The following SYNE2 variants were observed in gnomAD, a reference collection of about 807,000 sequenced individuals.
SYNE2 encodes the protein spectrin repeat containing nuclear envelope protein 2.
Under a neutral mutation model 856.3 loss-of-function variants are expected in SYNE2, and 431 were observed. That is an observed-to-expected ratio of 0.50 (90% CI 0.47 to 0.55). SYNE2 has a LOEUF of 0.55. Ranked by LOEUF, SYNE2 falls within the 20% of genes least tolerant of loss-of-function variation. The pLI, the probability that SYNE2 is intolerant of heterozygous loss-of-function variation, is 0.00. For missense variants in SYNE2, 8,129 were observed against 8,023.2 expected (o/e 1.01, Z -0.50); for synonymous variants, 2,923 against 2,872.3 (o/e 1.02, Z -0.56).
chr14:63,983,889 A>G lies in SYNE2; in HGVS notation c.2151+3A>G, dbSNP rs751044398. The G allele has an allele frequency of 2.7e-6, 4 of 1,492,884 alleles. No individual in the cohort carries two copies. The highest frequency in any genetic ancestry group is 3.7e-6 in the Non-Finnish European group (4 of 1,079,812). 92.5% of individuals were successfully genotyped at this position (1,492,884 alleles called of 1,614,324 possible). On this transcript the variant is annotated splice_donor_region_variant and intron_variant, in intron 18 of 115. Transcript: ENST00000555002. ...AAAATTATAATCAAAATATAAAGGT[A>G]AAATAATCATACTTTGTATATTTCA...
rs534275548 is a variant in SYNE2, at chr14:64,087,917, T to C, written c.11670+61T>C. 5.1e-6 allele frequency: 8 copies of C among 1,570,098 alleles called. No individual in the cohort carries two copies. In the Admixed American group the frequency reaches 1.2e-4, roughly 24 times the overall value. On this transcript the variant is annotated intron_variant, in intron 58 of 115. Coordinates refer to ENST00000555002, the MANE Select transcript of SYNE2 (RefSeq NM_182914.3). Reference sequence around the variant, plus strand: ...AAATTAGAGGCTGGGCAATGGTGGCTCATCCCTATAATTCCAGCACTTTGG... The same window carrying C: ...AAATTAGAGGCTGGGCAATGGTGGCCCATCCCTATAATTCCAGCACTTTGG...
intron 48 of SYNE2, among the ~76,000 whole-genome samples, chr14:64,054,385 A>G (rs776906192): frequency 2.5e-4 from 38 of 152,212 alleles, no homozygotes; most frequent in Non-Finnish European, 4.4e-5. Flanking sequence ...TAAAAATTTC[A>G]TGTTGAATTT....
chr14:63,888,484 C>T (rs1185774438), intron 1 of SYNE2, among the ~76,000 whole-genome samples: 1 of 152,170 alleles, frequency 6.6e-6, no homozygotes, highest in East Asian at 1.9e-4. Context: ...TTCCTACCCT[C>T]CTGGAAATTA....
chr14:64,014,626 A>G (rs2096873615), intron 32 of SYNE2, among the ~76,000 whole-genome samples: 1 of 151,906 alleles, frequency 6.6e-6, no homozygotes, highest in East Asian at 1.9e-4. Flanking sequence ...ACGGGATTTC[A>G]CCATATTGGT....
At chr14:63,858,348 C>T (rs1224228105) in intron 1 of SYNE2, among the ~76,000 whole-genome samples, 1 of 143,762 alleles carries the variant, frequency 7.0e-6, no homozygotes, top group Non-Finnish European at 1.5e-5. Flanking sequence ...TCTTGAACTC[C>T]TGGCCTCAAG....
At chr14:63,974,911 TA>T (rs2096528764) in intron 11 of SYNE2, among the ~76,000 whole-genome samples, 1 of 47,522 alleles carries the variant, frequency 2.1e-5, no homozygotes, top group Non-Finnish European at 4.2e-5. Context: ...TATATATATA[TA>T]TATATGTATC....
chr14:64,007,044 A>G lies in SYNE2; in HGVS notation c.4399A>G (p.Lys1467Glu). 1 of 1,612,256 alleles carries G rather than the reference A, an allele frequency of 6.2e-7. No homozygotes were observed. The highest frequency in any genetic ancestry group is 8.5e-7 in the Non-Finnish European group (1 of 1,178,780). ...DPTVPAVKHRKKSLIRLDKVL... is the reference protein window; with the variant it reads ...DPTVPAVKHREKSLIRLDKVL... ...ACTTTTTTCTCATTCATAATCAAGG[A>G]AAAAATCATTAATCAGACTGGATAA... The change falls in exon 31 of 116, where the codon AAA becomes GAA. Residue 1467 changes from lysine to glutamate, a missense_variant and splice_region_variant. By Grantham distance (56) the Lys-to-Glu change is moderately conservative. Transcript: ENST00000555002.
intron 78 of SYNE2, among the ~76,000 whole-genome samples, chr14:64,137,036 C>T (rs540723449): frequency 1.6e-4 from 24 of 152,310 alleles, no homozygotes; most frequent in Non-Finnish European, 2.5e-4. Flanking sequence ...TTCCCACAGA[C>T]ACTGGCAATC....
At chr14:64,091,383 C>T (rs555495407) in intron 60 of SYNE2, among the ~76,000 whole-genome samples, 3 of 152,326 alleles carry the variant, frequency 2.0e-5, no homozygotes, top group Admixed American at 6.5e-5. Context: ...CCATAGTAAT[C>T]TCTGTGTTCA....
chr14:64,116,809 A>G (rs1227108424), intron 66 of SYNE2, among the ~76,000 whole-genome samples: 1 of 152,248 alleles, frequency 6.6e-6, no homozygotes, highest in African/African-American at 2.4e-5. Context: ...AACTAGAAAC[A>G]AAGGGGTAAC....
chr14:64,051,631 C>G lies in SYNE2; in HGVS notation c.7718C>G (p.Ser2573Cys), dbSNP rs2097227855. The G allele has an allele frequency of 1.2e-6, 2 of 1,613,976 alleles. No individual in the cohort carries two copies. Among genetic ancestry groups the G allele is most frequent in the Non-Finnish European group, 1.7e-6 (2 of 1,179,936 alleles). ...GCATCCATAGAAAAAGAGAAAGATT[C>G]TTTAGGCAACTTGAAAATCAAATGG... ...FIASIEKEKD[S>C]LGNLKIKWEN... The change falls in exon 48 of 116, where the codon TCT becomes TGT. Residue 2573 changes from serine (S) to cysteine (C), a missense_variant. By Grantham distance (112) the Ser-to-Cys change is moderately radical (BLOSUM62 -1). Transcript: ENST00000555002.
chr14:63,889,779 G>A lies in SYNE2; in HGVS notation c.-51-19319G>A, dbSNP rs779284381. ...GGATGTGAGCCACTGTGCCCGGCCC[G>A]TACTGCAGTATTTAGTCACAGTTTT... is the stretch of plus-strand genomic sequence containing the variant. On this transcript the variant is annotated intron_variant, in intron 1 of 115. Coordinates refer to ENST00000555002, the MANE Select transcript of SYNE2 (RefSeq NM_182914.3). Among the ~76,000 whole-genome samples the A allele has an allele frequency of 3.9e-5, 6 of 151,912 alleles. No individual in the cohort carries two copies. The East Asian group carries it at 5.8e-4, about 15-fold the overall frequency.
Position 64,140,078 on chromosome 14 carries a change from G to T in SYNE2, c.14976+5G>T. The T allele has an allele frequency of 6.2e-7, 1 of 1,612,696 alleles. No individual in the cohort carries two copies. On this transcript the variant is annotated splice_donor_5th_base_variant and intron_variant, in intron 80 of 115. Coordinates refer to ENST00000555002, the MANE Select transcript of SYNE2 (RefSeq NM_182914.3). ...AGCAACATCAACAATTTTTTTGTAA[G>T]TTGTAATAGCATATGTTCAGTTAAT...
Position 64,080,523 on chromosome 14 carries a change from T to C in SYNE2, c.11231T>C (p.Ile3744Thr), listed in dbSNP as rs746726181. 2.5e-6 allele frequency: 4 copies of C among 1,614,158 alleles called. No individual in the cohort carries two copies. Among genetic ancestry groups the C allele is most frequent in the Non-Finnish European group, 2.5e-6 (3 of 1,180,028 alleles). Residue 3744 changes from isoleucine to threonine, a missense_variant, in exon 56 of 116, where the codon ATT (isoleucine) becomes ACT (threonine). By Grantham distance (89) the Ile-to-Thr change is moderately conservative. Around this residue, in one of 3 missense-constraint regions of SYNE2, gnomAD observed 5,410 missense variants for 5,284.8 expected, o/e 1.02. Transcript: ENST00000555002. ...LNELDSEVQDIVEQDPGQAQE... is the reference protein window; with the variant it reads ...LNELDSEVQDTVEQDPGQAQE... ...GAGCTGGATTCTGAAGTTCAGGACA[T>C]TGTTGAACAGGACCCAGGACAGGCT...
intron 70 of SYNE2, among the ~76,000 whole-genome samples, chr14:64,122,680 C>T (rs1302357734): frequency 6.6e-6 from 1 of 152,084 alleles, no homozygotes; most frequent in Non-Finnish European, 1.5e-5. Flanking sequence ...GTCTGTATTC[C>T]CCATTAGATG....
intron 45 of SYNE2, among the ~76,000 whole-genome samples, chr14:64,047,634 C>G (rs767034147): frequency 8.5e-5 from 13 of 152,240 alleles, no homozygotes; most frequent in Non-Finnish European, 1.8e-4. Flanking sequence ...TTACTTTAAA[C>G]TACCAGTAGG....
At chr14:63,958,149 C>T (rs2096264190) in intron 8 of SYNE2, among the ~76,000 whole-genome samples, 1 of 152,172 alleles carries the variant, frequency 6.6e-6, no homozygotes, top group African/African-American at 2.4e-5. Flanking sequence ...CCAGTTTCCC[C>T]TATTAACATC....
At chr14:63,969,531 C>T (rs1595938353) in intron 11 of SYNE2, among the ~76,000 whole-genome samples, 1 of 151,820 alleles carries the variant, frequency 6.6e-6, no homozygotes, top group Admixed American at 6.6e-5. Context: ...TTAATAGAGA[C>T]GGAGTTTCAC....
intron 66 of SYNE2, among the ~76,000 whole-genome samples, chr14:64,115,992 A>C (rs1168775718): frequency 2.6e-5 from 4 of 152,202 alleles, no homozygotes; most frequent in Admixed American, 2.6e-4. Context: ...TGTCTCTACA[A>C]AATAATTTAA....
Sources: allele counts gnomAD v4.1 joint callset (sites outside exome capture counted in the v4.1 genomes callset), GRCh38; gene constraint gnomAD v4.1.1; regional missense constraint gnomAD v4.1.1; transcripts MANE v1.5; gene names NCBI Gene and HGNC (gene_info 2026-07-23, HGNC 2026-07-21).